RAP1A: variants seen among roughly 807,000 people sequenced by gnomAD.
RAP1A encodes the protein RAP1A, member of RAS oncogene family.
Under a neutral mutation model 26.4 loss-of-function variants are expected in RAP1A, and 6 were observed. That is an observed-to-expected ratio of 0.23 (90% CI 0.12 to 0.45). The LOEUF is 0.45. Ranked by LOEUF, RAP1A falls within the 20% of genes least tolerant of loss-of-function variation. The pLI is 0.99. For synonymous variants in RAP1A, 73 were observed against 79.4 expected (o/e 0.92, Z 0.43); for missense variants, 121 against 217.2 (o/e 0.56, Z 2.78).
At chr1:111,570,724 G>C (rs77419755) in intron 1 of RAP1A, among the ~76,000 whole-genome samples, 1 of 152,162 alleles carries the variant, frequency 6.6e-6, no homozygotes, top group Non-Finnish European at 1.5e-5. Context: ...AAGCAAACAT[G>C]TATGAAGAGA....
At chr1:111,679,497 TTTTTCTTTTC>T (rs201645220) in intron 1 of RAP1A, among the ~76,000 whole-genome samples, 9 of 116,928 alleles carry the variant, frequency 7.7e-5, no homozygotes, top group Non-Finnish European at 1.4e-4. Flanking sequence ...CTGTAGGAGG[TTTTTCTTTTC>T]TTTTCTTTTC....
intron 1 of RAP1A, among the ~76,000 whole-genome samples, chr1:111,551,466 A>G (rs1306125558): frequency 2.6e-5 from 4 of 152,168 alleles, no homozygotes; most frequent in Admixed American, 6.5e-5. Context: ...ATTTATAACA[A>G]TGTAATTAGG....
At chr1:111,632,078 T>C (rs116635826) in intron 1 of RAP1A, among the ~76,000 whole-genome samples, 448 of 152,310 alleles carry the variant, frequency 2.9e-3, no homozygotes, top group African/African-American at 0.01. Flanking sequence ...CTGCCTAATA[T>C]CTATCACAGT....
intron 2 of RAP1A, among the ~76,000 whole-genome samples, chr1:111,692,694 C>T (rs1392578706): frequency 2.6e-5 from 4 of 151,702 alleles, no homozygotes; most frequent in South Asian, 2.1e-4. Flanking sequence ...CTATATATAC[C>T]GATATGTAAT....
chr1:111,704,211 G>A (rs1444442586), intron 5 of RAP1A, 132 bp from the exon 6 acceptor site: 12 of 744,452 alleles, frequency 1.6e-5, no homozygotes, highest in East Asian at 6.7e-5. Flanking sequence ...TATACTTTTC[G>A]TTAGTATTTG....
At chr1:111,598,368 A>C (rs1288214819) in intron 1 of RAP1A, among the ~76,000 whole-genome samples, 2 of 152,164 alleles carry the variant, frequency 1.3e-5, no homozygotes, top group African/African-American at 4.8e-5. Flanking sequence ...CATATAAGTA[A>C]AGTTGTCCAC....
At chr1:111,658,135 C>T (rs11802017) in intron 1 of RAP1A, among the ~76,000 whole-genome samples, 3,575 of 152,202 alleles carry the variant, frequency 0.023, 122 homozygotes, top group African/African-American at 0.083. Flanking sequence ...AACAGGGATA[C>T]GTTCGGAGAA....
intron 1 of RAP1A, among the ~76,000 whole-genome samples, chr1:111,620,656 A>C (rs1189445579): frequency 6.6e-6 from 1 of 151,876 alleles, no homozygotes; most frequent in African/African-American, 2.4e-5. Context: ...CTTTACCCTC[A>C]TGTCTTCCGT....
chr1:111,689,355 T>A (rs2101238896), intron 1 of RAP1A, among the ~76,000 whole-genome samples: 1 of 152,108 alleles, frequency 6.6e-6, no homozygotes, highest in East Asian at 1.9e-4. Flanking sequence ...CCTTCTCTTC[T>A]TTCCTCTTAT....
intron 1 of RAP1A, among the ~76,000 whole-genome samples, chr1:111,598,658 T>C (rs1012648226): frequency 2.0e-5 from 3 of 152,184 alleles, no homozygotes; most frequent in Non-Finnish European, 4.4e-5. Flanking sequence ...ACTTCTGTGA[T>C]GAACAGAAGT....
At chr1:111,686,191 T>A (rs1363719991) in intron 1 of RAP1A, among the ~76,000 whole-genome samples, 1 of 151,992 alleles carries the variant, frequency 6.6e-6, no homozygotes, top group African/African-American at 2.4e-5. Context: ...GGTTGATGGG[T>A]GCAGCAAACC....
intron 1 of RAP1A, among the ~76,000 whole-genome samples, chr1:111,549,052 T>C (rs1657146335): frequency 6.6e-6 from 1 of 152,220 alleles, no homozygotes; most frequent in Non-Finnish European, 1.5e-5. Context: ...CAGATAATCA[T>C]TTTCATATGC....
intron 1 of RAP1A, among the ~76,000 whole-genome samples, chr1:111,682,358 C>G (rs1461812826): frequency 6.6e-6 from 1 of 151,806 alleles, no homozygotes; most frequent in East Asian, 1.9e-4. Context: ...GGCTAAATGC[C>G]CCAATTAAAA....
In RAP1A at chr1:111,709,390, T is replaced by C. The variant is rs529598797; in HGVS notation, c.*29+126T>C. Reference sequence around the variant, plus strand: ...GCTTCTGTAACTTGTAAATGTGATATATAACTTGTAGGTACGTCATCTGTT... The same window carrying C: ...GCTTCTGTAACTTGTAAATGTGATACATAACTTGTAGGTACGTCATCTGTT... On this transcript the variant is annotated intron_variant, in intron 7 of 7. Coordinates refer to ENST00000369709, the MANE Select transcript of RAP1A (RefSeq NM_002884.4). 6.5e-5 allele frequency: 73 copies of C among 1,119,520 alleles called. No homozygotes were observed. The African/African-American group carries it at 1.1e-3, about 17-fold the overall frequency. 69.3% of individuals were successfully genotyped at this position (1,119,520 alleles called of 1,614,324 possible).
chr1:111,589,809 C>CA (rs1482576167), intron 1 of RAP1A, among the ~76,000 whole-genome samples: 2 of 152,184 alleles, frequency 1.3e-5, no homozygotes, highest in East Asian at 1.9e-4. Flanking sequence ...ACTCCTAGTT[C>CA]ACTGAACTAG....
intron 1 of RAP1A, among the ~76,000 whole-genome samples, chr1:111,591,341 G>A (rs1435420442): frequency 1.3e-5 from 2 of 151,922 alleles, no homozygotes; most frequent in African/African-American, 4.8e-5. Flanking sequence ...TTTCTGCTCT[G>A]TTAATACTTC....
At chr1:111,673,782 TAGAA>T (rs1289175838) in intron 1 of RAP1A, among the ~76,000 whole-genome samples, 1 of 152,212 alleles carries the variant, frequency 6.6e-6, no homozygotes, top group East Asian at 1.9e-4. Context: ...TAATTCCCCT[TAGAA>T]AGAAAAATTA....
chr1:111,654,864 T>C (rs1431452482), intron 1 of RAP1A, among the ~76,000 whole-genome samples: 1 of 151,280 alleles, frequency 6.6e-6, no homozygotes, highest in African/African-American at 2.4e-5. Context: ...ATTAGCCTTC[T>C]AAACTTTGAT....
chr1:111,582,459 G>C (rs575263105), intron 1 of RAP1A, among the ~76,000 whole-genome samples: 47 of 152,278 alleles, frequency 3.1e-4, no homozygotes, highest in Non-Finnish European at 5.9e-4. Flanking sequence ...AAGCACAGAG[G>C]TGTCTAAATA....
Sources: allele counts gnomAD v4.1 joint callset (sites outside exome capture counted in the v4.1 genomes callset), GRCh38; gene constraint gnomAD v4.1.1; transcripts MANE v1.5; gene names NCBI Gene and HGNC (gene_info 2026-07-23, HGNC 2026-07-21).